The following GRM7 variants were observed in gnomAD, a reference collection of about 807,000 sequenced individuals.
GRM7 encodes the protein glutamate metabotropic receptor 7, also known as metabotropic glutamate receptor 7.
GRM7 carries 35 observed loss-of-function variants against 84.5 expected under a neutral mutation model. That is an observed-to-expected ratio of 0.41 (90% CI 0.32 to 0.55). The LOEUF (loss-of-function observed/expected upper bound fraction) is 0.55, where lower values mean the gene tolerates loss of function less well. Ranked by LOEUF, GRM7 falls within the 20% of genes least tolerant of loss-of-function variation. The pLI, the probability that GRM7 is intolerant of heterozygous loss-of-function variation, is 0.19. For synonymous variants in GRM7, 487 were observed against 455.1 expected (o/e 1.07, Z -0.89); for missense variants, 1,003 against 1,194.6 (o/e 0.84, Z 2.36).
At chr3:7,285,152 AGACT>A (rs1699384853) in intron 2 of GRM7, among the ~76,000 whole-genome samples, 1 of 152,198 alleles carries the variant, frequency 6.6e-6, no homozygotes, top group African/African-American at 2.4e-5. Context: ...AAGAGCCCAT[AGACT>A]GCAAAGTCTC....
At chr3:7,032,396 G>T (rs568459477) in intron 1 of GRM7, among the ~76,000 whole-genome samples, 4 of 152,178 alleles carry the variant, frequency 2.6e-5, no homozygotes, top group South Asian at 2.1e-4. Context: ...GGTTATGTGA[G>T]CATTAAAGGA....
chr3:7,681,617 A>C (rs1225881020), intron 9 of GRM7: 1 of 152,240 alleles, frequency 6.6e-6, no homozygotes, highest in Non-Finnish European at 1.5e-5. Context: ...AGGGAGGAAC[A>C]GAATGAATGA....
At chr3:6,967,915 T>C (rs1338398288) in intron 1 of GRM7, among the ~76,000 whole-genome samples, 2 of 152,140 alleles carry the variant, frequency 1.3e-5, no homozygotes, top group African/African-American at 4.8e-5. Flanking sequence ...CAAGGAGATC[T>C]GGGCATTGGT....
chr3:7,716,674 GA>G (rs1701781384), intron 9 of GRM7, among the ~76,000 whole-genome samples: 1 of 152,172 alleles, frequency 6.6e-6, no homozygotes, highest in Admixed American at 6.5e-5. Flanking sequence ...CCCATGGGTT[GA>G]ATGATGCTGC....
chr3:7,015,745 T>C (rs141255378), intron 1 of GRM7, among the ~76,000 whole-genome samples: 62 of 152,332 alleles, frequency 4.1e-4, no homozygotes, highest in Middle Eastern at 3.4e-3. Flanking sequence ...CAGCTGTTCT[T>C]TGACAGGTGA....
chr3:7,224,537 T>A (rs187091896), intron 2 of GRM7, among the ~76,000 whole-genome samples: 1 of 152,332 alleles, frequency 6.6e-6, no homozygotes, highest in East Asian at 1.9e-4. Flanking sequence ...CCCTTGTAGA[T>A]GCCACTGCTA....
At chr3:7,393,562 G>C (rs1695089193) in intron 4 of GRM7, among the ~76,000 whole-genome samples, 1 of 152,178 alleles carries the variant, frequency 6.6e-6, no homozygotes, top group Non-Finnish European at 1.5e-5. Context: ...TGGTGAATCT[G>C]AGGATTCTCT....
intron 2 of GRM7, among the ~76,000 whole-genome samples, chr3:7,175,034 GA>G (rs1314217725): frequency 7.2e-5 from 11 of 152,162 alleles, no homozygotes; most frequent in African/African-American, 2.7e-4. Flanking sequence ...ATTAAGGAGC[GA>G]GATCAGGCCC....
chr3:7,101,856 T>C (rs1218916689), intron 1 of GRM7, among the ~76,000 whole-genome samples: 2 of 149,266 alleles, frequency 1.3e-5, no homozygotes, highest in African/African-American at 4.9e-5. Flanking sequence ...TATATACACA[T>C]TTTAGTGTTG....
At chr3:7,657,397 G>T (rs554990408) in intron 8 of GRM7, among the ~76,000 whole-genome samples, 2 of 152,152 alleles carry the variant, frequency 1.3e-5, no homozygotes, top group African/African-American at 4.8e-5. Flanking sequence ...CAGGGTTCAC[G>T]TGTGATGTGC....
intron 1 of GRM7, among the ~76,000 whole-genome samples, chr3:7,137,678 A>G (rs546817437): frequency 8.5e-5 from 13 of 152,076 alleles, no homozygotes; most frequent in Non-Finnish European, 1.6e-4. Flanking sequence ...TTTGGCATCT[A>G]ACTGTGAAAG....
chr3:6,947,469 G>T (rs1698132102), intron 1 of GRM7, among the ~76,000 whole-genome samples: 1 of 152,040 alleles, frequency 6.6e-6, no homozygotes, highest in African/African-American at 2.4e-5. Context: ...ATTTTATTGA[G>T]GATTTTTGCA....
At chr3:7,591,167 G>A (rs1695763244) in intron 8 of GRM7, among the ~76,000 whole-genome samples, 1 of 152,206 alleles carries the variant, frequency 6.6e-6, no homozygotes. Context: ...CAATCTTGCT[G>A]AGGGAGTATG....
At chr3:7,448,597 G>A (rs1044357695) in intron 5 of GRM7, among the ~76,000 whole-genome samples, 1 of 152,104 alleles carries the variant, frequency 6.6e-6, no homozygotes, top group African/African-American at 2.4e-5. Flanking sequence ...CCACACTAGG[G>A]AAAATAAAGC....
At chr3:7,207,977 A>AATAG (rs1374878202) in intron 2 of GRM7, among the ~76,000 whole-genome samples, 1 of 152,204 alleles carries the variant, frequency 6.6e-6, no homozygotes, top group African/African-American at 2.4e-5. Context: ...AATACTATTA[A>AATAG]ATAGATCATT....
chr3:7,649,220 C>A (rs1178946815), intron 8 of GRM7, among the ~76,000 whole-genome samples: 1 of 152,056 alleles, frequency 6.6e-6, no homozygotes, highest in Non-Finnish European at 1.5e-5. Flanking sequence ...CAGGCACCCA[C>A]TACCACGCCC....
In GRM7 at chr3:7,620,324, T is replaced by C. The variant is rs111935791; in HGVS notation, c.2451+40967T>C. 2.2e-3 allele frequency among the ~76,000 whole-genome samples: 329 copies of C among 152,296 alleles called. 5 individuals carry two copies. The highest frequency in any genetic ancestry group is 7.6e-3 in the African/African-American group (314 of 41,570). ...ATTTAATTTAATGGATTGTCCACTA[T>C]TTTATCTGGCAAATAAAATAAGAAT... On this transcript the variant is annotated intron_variant, in intron 8 of 9. Transcript: ENST00000357716.
chr3:7,247,779 A>G (rs1028192309), intron 2 of GRM7, among the ~76,000 whole-genome samples: 1 of 151,996 alleles, frequency 6.6e-6, no homozygotes, highest in Non-Finnish European at 1.5e-5. Flanking sequence ...CAAAAATAAA[A>G]ACACAATTCA....
chr3:7,327,495 T>C (rs1250455013), intron 4 of GRM7, among the ~76,000 whole-genome samples: 1 of 152,210 alleles, frequency 6.6e-6, no homozygotes, highest in Non-Finnish European at 1.5e-5. Flanking sequence ...AAACTCCAGT[T>C]AACATATTCA....
Sources: gnomAD v4.1 joint callset for allele counts (sites outside exome capture counted in the v4.1 genomes callset) on GRCh38, gnomAD v4.1.1 for gene constraint, MANE v1.5 for transcripts, NCBI Gene and HGNC (gene_info 2026-07-23, HGNC 2026-07-21) for gene names.